Variants in KDM5A observed in about 807,000 individuals in gnomAD.
The protein encoded by KDM5A is lysine demethylase 5A, also known as lysine-specific demethylase 5A.
In KDM5A, 42 loss-of-function variants were observed where a neutral mutation model predicts 193.5. That is an observed-to-expected ratio of 0.22 (90% confidence interval 0.17 to 0.28). The LOEUF (loss-of-function observed/expected upper bound fraction) is 0.28. Among genes scored for constraint, KDM5A ranks in the 10% least tolerant of loss-of-function variants. The pLI, the probability that KDM5A is intolerant of heterozygous loss-of-function variation, is 1.00. For missense variants in KDM5A, 1,692 were observed against 2,055.1 expected, an observed-to-expected ratio of 0.82 and a Z score of 3.42; for synonymous variants, 796 against 718.1, an observed-to-expected ratio of 1.11 and a Z score of -1.73.
At position 389,052 on chromosome 12, in the gene KDM5A, C is replaced by G. The variant is rs2137508222; in HGVS notation, c.40G>C (p.Val14Leu). The G allele has an allele frequency of 6.2e-7, 1 of 1,611,922 alleles. No homozygotes were observed. Residue 14 changes from valine (V) to leucine (L), a missense_variant, in exon 1 of 28, where the codon GTG (valine) becomes CTG (leucine). Physicochemically the swap from Val to Leu is conservative, Grantham distance 32 (BLOSUM62 1). Coordinates refer to ENST00000399788, the MANE Select transcript of KDM5A (RefSeq NM_001042603.3). Reference protein sequence around the residue: ...VGPGGYAAEFVPPPECPVFEP... With the variant: ...VGPGGYAAEFLPPPECPVFEP... Reference sequence around the variant, plus strand: ...AAGACGGGGCACTCTGGCGGTGGCACGAACTCCGCCGCGTAGCCCCCCGGC... The same window carrying G: ...AAGACGGGGCACTCTGGCGGTGGCAGGAACTCCGCCGCGTAGCCCCCCGGC...
chr12:308,291 C>G (rs1943538738), intron 22 of KDM5A, among the ~76,000 whole-genome samples: 2 of 152,144 alleles, frequency 1.3e-5, no homozygotes, highest in African/African-American at 4.8e-5. Flanking sequence ...AAGCCTGGCT[C>G]TTGTACTTTT....
chr12:360,894 G>A (rs538746322), intron 5 of KDM5A, among the ~76,000 whole-genome samples: 24 of 152,242 alleles, frequency 1.6e-4, no homozygotes, highest in African/African-American at 4.8e-4. Flanking sequence ...CAGAAGGGAT[G>A]GAAGAGGAGG....
At chr12:348,821 T>C (rs1944112830) in intron 10 of KDM5A, among the ~76,000 whole-genome samples, 1 of 151,734 alleles carries the variant, frequency 6.6e-6, no homozygotes, top group African/African-American at 2.4e-5. Context: ...AATGAGCTGA[T>C]GGGTGCAGCA....
At chr12:321,749 C>A (rs2137408542) in intron 17 of KDM5A, among the ~76,000 whole-genome samples, 1 of 152,274 alleles carries the variant, frequency 6.6e-6, no homozygotes, top group East Asian at 1.9e-4. Flanking sequence ...TCTATTATAT[C>A]AAGGGTCCTC....
At chr12:336,230 G>A (rs981333281) in intron 10 of KDM5A, among the ~76,000 whole-genome samples, 1 of 151,282 alleles carries the variant, frequency 6.6e-6, no homozygotes, top group Admixed American at 6.6e-5. Flanking sequence ...GTGGTGGCGT[G>A]CGCCTGTAGT....
rs200500782 is a variant in KDM5A at position 331,849 on chromosome 12, A to C, written c.1743T>G (p.Ala581=). 2 of 1,614,106 alleles carry C rather than the reference A, an allele frequency of 1.2e-6. No homozygotes were observed. The highest frequency in any genetic ancestry group is 1.7e-6 in the Non-Finnish European group (2 of 1,179,942). ...CAGCAGTACAGAAGTTCACAGCTTC[A>C]GCAAAGTTGTAGCCCTGGTTAAATC... ...HSGFNQGYNF[A]EAVNFCTADW... is the part of the protein sequence containing the mutation. Residue 581 remains alanine (A), a synonymous_variant, in exon 13 of 28, where the codon GCT becomes GCG. Transcript: ENST00000399788.
Position 318,408 on chromosome 12 carries a change from C to T in KDM5A, c.2595G>A (p.Met865Ile), listed in dbSNP as rs1468573762. Reference sequence around the variant, plus strand: ...GTTTGGAAGAATCTGGGGTTTCATCCATCATGGCCTCCTGAGCACGTTCAT... The same window carrying T: ...GTTTGGAAGAATCTGGGGTTTCATCTATCATGGCCTCCTGAGCACGTTCAT... Reference protein sequence around the residue: ...EFHERAQEAMMDETPDSSKLQ... With the variant: ...EFHERAQEAMIDETPDSSKLQ... Residue 865 changes from methionine (M) to isoleucine (I), a missense_variant, in exon 19 of 28, where the codon ATG becomes ATA. Around this residue, in one of 11 missense-constraint regions of KDM5A, gnomAD observed 965 missense variants for 1,061.0 expected, o/e 0.91. Transcript: ENST00000399788. The T allele has an allele frequency of 1.2e-6, 2 of 1,614,118 alleles. No homozygotes were observed. The highest frequency in any genetic ancestry group is 1.1e-5 in the South Asian group (1 of 91,072).
chr12:324,319 C>CCA (rs1478412662), intron 14 of KDM5A, among the ~76,000 whole-genome samples: 3 of 151,962 alleles, frequency 2.0e-5, no homozygotes, highest in Admixed American at 1.3e-4. Context: ...AATGCGATTA[C>CCA]CACAAAAGTC....
intron 9 of KDM5A, among the ~76,000 whole-genome samples, chr12:351,247 C>T (rs1439129806): frequency 6.6e-6 from 1 of 152,106 alleles, no homozygotes; most frequent in African/African-American, 2.4e-5. Flanking sequence ...GTGTGATGTT[C>T]CCCTTCCTGT....
Position 282,474 on chromosome 12 carries a change from A to G in KDM5A, c.*2982T>C, listed in dbSNP as rs745988764. On this transcript the variant is annotated 3_prime_UTR_variant, in exon 28 of 28. Transcript: ENST00000399788. ...GGAAGTCATGCATCTACACATCAAC[A>G]TGGCTTTGCTGCAGTACCTATCAGG... 22 of 233,082 alleles carry G rather than the reference A, an allele frequency of 9.4e-5. No individual in the cohort carries two copies. Among genetic ancestry groups the G allele is most frequent in the Non-Finnish European group, 1.6e-4 (19 of 117,994 alleles). The allele number at this position is 233,082 out of a possible 1,614,324, so 14.4% of individuals were successfully genotyped here.
chr12:374,643 T>G (rs1036219238), intron 3 of KDM5A, among the ~76,000 whole-genome samples: 1 of 152,216 alleles, frequency 6.6e-6, no homozygotes, highest in African/African-American at 2.4e-5. Flanking sequence ...TTTTGCTCGT[T>G]AGTTGATGCA....
At chr12:380,089 G>A (rs1230504350) in intron 3 of KDM5A, among the ~76,000 whole-genome samples, 3 of 151,778 alleles carry the variant, frequency 2.0e-5, no homozygotes, top group Admixed American at 6.6e-5. Flanking sequence ...CCAACATGAC[G>A]AAACCCCGTC....
At position 284,956 on chromosome 12, in the gene KDM5A, T is replaced by C. The variant is rs1478300738; in HGVS notation, c.*500A>G. The stretch of plus-strand genomic sequence containing the variant: ...GAAATAACTTTGGCCCTGTTACTCC[T>C]AGTTGTATCTTTAGGGCATTAAGTA... On this transcript the variant is annotated 3_prime_UTR_variant, in exon 28 of 28. Transcript: ENST00000399788. The C allele has an allele frequency of 8.0e-6, 2 of 249,586 alleles. No individual in the cohort carries two copies. The highest frequency in any genetic ancestry group is 1.3e-4 in the South Asian group (1 of 7,658). The allele number at this position is 249,586 out of a possible 1,614,324, so 15.5% of individuals were successfully genotyped here.
intron 1 of KDM5A, chr12:387,366 A>AT (rs1944650005): frequency 8.6e-6 from 2 of 233,240 alleles, no homozygotes; most frequent in Non-Finnish European, 1.7e-5. Context: ...AAGTAAAAAA[A>AT]CTTTTTTTAA....
chr12:292,262 A>G (rs900228140), intron 27 of KDM5A, among the ~76,000 whole-genome samples: 1 of 152,232 alleles, frequency 6.6e-6, no homozygotes. Context: ...GAAGAAAATC[A>G]TATTCCATTT....
At chr12:311,257 G>T in intron 20 of KDM5A, 193 bp from the exon 21 acceptor site, 1 of 608,840 alleles carries the variant, frequency 1.6e-6, no homozygotes, top group East Asian at 2.8e-5. Flanking sequence ...TTTTTTTAAT[G>T]AACATGTCAT....
At chr12:358,174 TTAA>T (rs1409150775) in intron 5 of KDM5A, among the ~76,000 whole-genome samples, 4 of 152,186 alleles carry the variant, frequency 2.6e-5, no homozygotes, top group Non-Finnish European at 4.4e-5. Context: ...CAATCTTGAA[TTAA>T]GATTAACCAT....
At chr12:298,341 G>A (rs1943399592) in intron 24 of KDM5A, among the ~76,000 whole-genome samples, 2 of 152,250 alleles carry the variant, frequency 1.3e-5, no homozygotes, top group Non-Finnish European at 2.9e-5. Flanking sequence ...GAAGCTTCCA[G>A]AGGAAGGAAC....
At chr12:314,639 C>A (rs1028401259) in intron 19 of KDM5A, among the ~76,000 whole-genome samples, 1 of 152,108 alleles carries the variant, frequency 6.6e-6, no homozygotes, top group African/African-American at 2.4e-5. Flanking sequence ...GAAGACTTCC[C>A]AAAAGTGATG....
Sources: allele counts gnomAD v4.1 joint callset (sites outside exome capture counted in the v4.1 genomes callset), GRCh38; gene constraint gnomAD v4.1.1; regional missense constraint gnomAD v4.1.1; transcripts MANE v1.5; gene names NCBI Gene and HGNC (gene_info 2026-07-23, HGNC 2026-07-21).